The following ADGRB3 variants were observed in gnomAD, a reference collection of about 807,000 sequenced individuals.
ADGRB3 encodes the protein brain-specific angiogenesis inhibitor 3.
A neutral mutation model predicts 193.4 loss-of-function variants in ADGRB3; 37 were observed. That is an observed-to-expected ratio of 0.19 (90% CI 0.15 to 0.25). ADGRB3 has a LOEUF of 0.25. ADGRB3 is among the 10% of genes least tolerant of loss of function. ADGRB3 has a pLI of 1.00. For missense variants in ADGRB3, 1,637 were observed against 1,852.9 expected (o/e 0.88, Z 2.14); for synonymous variants, 690 against 644.2 (o/e 1.07, Z -1.08).
rs1044099935 is a variant in ADGRB3, at chr6:69,188,432, C to A, written c.2481-44858C>A. Among the ~76,000 whole-genome samples, 66 of 152,090 alleles carry A rather than the reference C, an allele frequency of 4.3e-4. 1 individual carries two copies. Among genetic ancestry groups the A allele is most frequent in the Admixed American group, 4.3e-3 (65 of 15,260 alleles). Reference sequence around the variant, plus strand: ...CAAGCGATTCTCTTGCCTCAGCCTCCCAAGTAACTAGGATTACAGGCACCC... The same window carrying A: ...CAAGCGATTCTCTTGCCTCAGCCTCACAAGTAACTAGGATTACAGGCACCC... On this transcript the variant is annotated intron_variant, in intron 17 of 31. Transcript: ENST00000370598.
At chr6:69,046,352 A>C (rs1462359475) in intron 13 of ADGRB3, among the ~76,000 whole-genome samples, 2 of 152,228 alleles carry the variant, frequency 1.3e-5, no homozygotes, top group Admixed American at 1.3e-4. Flanking sequence ...GATTCTACAC[A>C]TTGAATAATG....
chr6:68,893,759 TTAAG>T (rs1451786221), intron 3 of ADGRB3, among the ~76,000 whole-genome samples: 2 of 151,988 alleles, frequency 1.3e-5, no homozygotes, highest in Admixed American at 1.3e-4. Context: ...TTCCATGTAC[TTAAG>T]TTTTTTGCCA....
intron 3 of ADGRB3, among the ~76,000 whole-genome samples, chr6:68,759,302 CA>C (rs748769048): frequency 2.0e-5 from 3 of 152,058 alleles, no homozygotes; most frequent in Non-Finnish European, 1.5e-5. Context: ...ATATAATCAA[CA>C]TATTCCAAAT....
At chr6:68,721,404 C>G (rs564754058) in intron 3 of ADGRB3, among the ~76,000 whole-genome samples, 8 of 151,024 alleles carry the variant, frequency 5.3e-5, no homozygotes, top group African/African-American at 1.9e-4. Context: ...CGTGTTCTCA[C>G]TCATAGGTGG....
Position 69,194,500 on chromosome 6 carries a change from G to T in ADGRB3, c.2481-38790G>T, listed in dbSNP as rs186907951. Among the ~76,000 whole-genome samples, 371 of 152,216 alleles carry T rather than the reference G, an allele frequency of 2.4e-3. 6 individuals are homozygous for T. The highest frequency in any genetic ancestry group is 6.6e-3 in the African/African-American group (273 of 41,540). Reference sequence around the variant, plus strand: ...CAGCTTAAGATAAAAAGGTAAATTAGTAGTGAGTTCCTTTCTGTGTTGCCA... The same window carrying T: ...CAGCTTAAGATAAAAAGGTAAATTATTAGTGAGTTCCTTTCTGTGTTGCCA... On this transcript the variant is annotated intron_variant, in intron 17 of 31. Transcript: ENST00000370598.
intron 13 of ADGRB3, among the ~76,000 whole-genome samples, chr6:69,043,304 G>GAAAGAAAGAAAGAAAGAAAGAA (rs1771133937): frequency 1.3e-5 from 2 of 148,524 alleles, no homozygotes; most frequent in Non-Finnish European, 3.0e-5. Flanking sequence ...AAGAAAGAAA[G>GAAAGAAAGAAAGAAAGAAAGAA]AAAGAAAGAA....
At chr6:68,872,464 A>G (rs1293400707) in intron 3 of ADGRB3, among the ~76,000 whole-genome samples, 1 of 152,146 alleles carries the variant, frequency 6.6e-6, no homozygotes, top group Admixed American at 6.6e-5. Context: ...GTATAAGAAG[A>G]AAAACCAGAA....
At chr6:68,885,803 A>G (rs1369281280) in intron 3 of ADGRB3, among the ~76,000 whole-genome samples, 1 of 152,166 alleles carries the variant, frequency 6.6e-6, no homozygotes, top group Non-Finnish European at 1.5e-5. Flanking sequence ...GATAAAATTG[A>G]CATGTTAAAC....
intron 3 of ADGRB3, among the ~76,000 whole-genome samples, chr6:68,781,544 G>T (rs954083154): frequency 1.3e-5 from 2 of 151,932 alleles, no homozygotes; most frequent in Non-Finnish European, 2.9e-5. Flanking sequence ...TAAGAGTAAA[G>T]GTCTCATTCA....
intron 11 of ADGRB3, among the ~76,000 whole-genome samples, chr6:69,005,102 A>G (rs1253276222): frequency 1.3e-5 from 2 of 152,104 alleles, no homozygotes; most frequent in African/African-American, 2.4e-5. Flanking sequence ...CTGAGTTATG[A>G]TATTTTTATA....
intron 6 of ADGRB3, among the ~76,000 whole-genome samples, chr6:68,949,162 A>T (rs1767849769): frequency 6.6e-6 from 1 of 152,118 alleles, no homozygotes; most frequent in Non-Finnish European, 1.5e-5. Context: ...ATAAACTAGG[A>T]GTATTATGAT....
At chr6:68,822,784 A>T (rs1279902747) in intron 3 of ADGRB3, among the ~76,000 whole-genome samples, 2 of 152,020 alleles carry the variant, frequency 1.3e-5, no homozygotes, top group Non-Finnish European at 2.9e-5. Flanking sequence ...TTTATGAGCC[A>T]CTTCATTTTA....
chr6:68,781,342 C>G (rs184483182), intron 3 of ADGRB3, among the ~76,000 whole-genome samples: 52 of 152,200 alleles, frequency 3.4e-4, no homozygotes, highest in Admixed American at 2.1e-3. Context: ...TATCTTTTAG[C>G]ACATTGCTAC....
intron 3 of ADGRB3, among the ~76,000 whole-genome samples, chr6:68,851,499 A>G (rs1303827588): frequency 2.6e-5 from 4 of 151,954 alleles, no homozygotes; most frequent in African/African-American, 9.7e-5. Context: ...TTATCCAAAC[A>G]TCACATGTAA....
Position 68,667,887 on chromosome 6 carries a change from ATT to A in ADGRB3, c.757+28457_757+28458del, listed in dbSNP as rs1407600631. ...AGAGACCACAGGAGAGAGGCCCCAC[ATT>A]TAGAACAATCCCAGCTACACTGAAC... On this transcript the variant is annotated intron_variant, in intron 3 of 31. Coordinates refer to ENST00000370598, the MANE Select transcript of ADGRB3 (RefSeq NM_001704.3). Among the ~76,000 whole-genome samples, 120 of 151,928 alleles carry A rather than the reference ATT, an allele frequency of 7.9e-4. 1 individual carries two copies. In the East Asian group the frequency reaches 0.022, roughly 28 times the overall value.
chr6:69,084,244 A>G (rs1772483233), intron 17 of ADGRB3, among the ~76,000 whole-genome samples: 1 of 152,232 alleles, frequency 6.6e-6, no homozygotes, highest in Non-Finnish European at 1.5e-5. Flanking sequence ...AGAGGTAGAT[A>G]TAAACTATGA....
chr6:69,141,669 T>C (rs923849260), intron 17 of ADGRB3, among the ~76,000 whole-genome samples: 11 of 152,096 alleles, frequency 7.2e-5, no homozygotes, highest in Admixed American at 7.2e-4. Context: ...GCAGTCCATG[T>C]GGAACCGTGA....
chr6:68,899,953 G>A (rs193099699), intron 3 of ADGRB3, among the ~76,000 whole-genome samples: 24 of 152,024 alleles, frequency 1.6e-4, no homozygotes, highest in South Asian at 6.2e-4. Flanking sequence ...TGAGAAAAAG[G>A]CATGAGTAAT....
intron 13 of ADGRB3, among the ~76,000 whole-genome samples, chr6:69,031,571 C>CTTTCTTTCTTTCTCTCTCTCTCT (rs1337493560): frequency 3.7e-5 from 4 of 106,834 alleles, no homozygotes; most frequent in Non-Finnish European, 5.8e-5. Flanking sequence ...TTCTTTTCTT[C>CTTTCTTTCTTTCTCTCTCTCTCT]CTCTGTCTCT....
Sources: allele counts gnomAD v4.1 joint callset (sites outside exome capture counted in the v4.1 genomes callset), GRCh38; gene constraint gnomAD v4.1.1; transcripts MANE v1.5; gene names NCBI Gene and HGNC (gene_info 2026-07-23, HGNC 2026-07-21).